Variants in FSTL5 observed in about 807,000 individuals in gnomAD.
FSTL5 encodes follistatin like 5, also known as follistatin-related protein 5.
Under a neutral mutation model 89.1 loss-of-function variants are expected in FSTL5, and 62 were observed. That is an observed-to-expected ratio of 0.70 (90% CI 0.57 to 0.86). The LOEUF is 0.86. Ranked by LOEUF, FSTL5 falls within the 40% of genes least tolerant of loss-of-function variation. FSTL5 has a pLI of 0.00. For missense variants in FSTL5, 1,057 were observed against 1,001.6 expected (o/e 1.06, Z -0.75); for synonymous variants, 383 against 346.2 (o/e 1.11, Z -1.18).
chr4:161,732,429 GT>G (rs1430698039), intron 6 of FSTL5, among the ~76,000 whole-genome samples: 1 of 151,850 alleles, frequency 6.6e-6, no homozygotes, highest in Non-Finnish European at 1.5e-5. Flanking sequence ...TAAAAAATGT[GT>G]TCTCATTCTA....
chr4:161,578,132 G>A (rs781711961), intron 8 of FSTL5, among the ~76,000 whole-genome samples: 1 of 152,046 alleles, frequency 6.6e-6, no homozygotes, highest in African/African-American at 2.4e-5. Context: ...AGAGAAAAAT[G>A]TCAGCGAATA....
chr4:161,857,523 G>A (rs1731759441), intron 4 of FSTL5, among the ~76,000 whole-genome samples: 1 of 152,084 alleles, frequency 6.6e-6, no homozygotes, highest in Non-Finnish European at 1.5e-5. Context: ...TTTTCATGGA[G>A]CTAACTGCTA....
chr4:161,551,738 C>T lies in FSTL5; in HGVS notation c.1016-9045G>A, dbSNP rs187133765. Reference sequence around the variant, plus strand: ...CTGAGAAAAACAAGAAATGGGGAAACGATTCCCTATTTAATAAATGGTGCT... The same window carrying T: ...CTGAGAAAAACAAGAAATGGGGAAATGATTCCCTATTTAATAAATGGTGCT... On this transcript the variant is annotated intron_variant, in intron 8 of 15. Transcript: ENST00000306100. Among the ~76,000 whole-genome samples the T allele has an allele frequency of 7.9e-3, 1,195 of 151,882 alleles. 16 individuals carry two copies. Among genetic ancestry groups the T allele is most frequent in the African/African-American group, 0.028 (1,154 of 41,462 alleles).
chr4:162,015,747 TCTC>T (rs1396336946), intron 3 of FSTL5, among the ~76,000 whole-genome samples: 1 of 152,154 alleles, frequency 6.6e-6, no homozygotes, highest in Non-Finnish European at 1.5e-5. Context: ...TCTTCAACAT[TCTC>T]CTCCTTTCTA....
chr4:162,008,041 G>C (rs902788266), intron 3 of FSTL5, among the ~76,000 whole-genome samples: 1 of 151,596 alleles, frequency 6.6e-6, no homozygotes, highest in East Asian at 1.9e-4. Context: ...ATCAAAATAC[G>C]TACTTATAAT....
At chr4:161,390,398 A>T (rs931390387) in intron 15 of FSTL5, among the ~76,000 whole-genome samples, 3 of 152,166 alleles carry the variant, frequency 2.0e-5, no homozygotes, top group Non-Finnish European at 4.4e-5. Context: ...CGAGGAAGGA[A>T]GAGAACAGTA....
chr4:161,762,707 T>C (rs914473546), intron 5 of FSTL5, among the ~76,000 whole-genome samples: 1 of 152,206 alleles, frequency 6.6e-6, no homozygotes, highest in Admixed American at 6.5e-5. Context: ...TTTCACTTGT[T>C]ACCTCGGATA....
Position 161,924,954 on chromosome 4 carries a change from AG to A in FSTL5, c.161-4303del, listed in dbSNP as rs574699503. 1.1e-3 allele frequency among the ~76,000 whole-genome samples: 174 copies of A among 152,058 alleles called. 2 individuals are homozygous for A. Among genetic ancestry groups the A allele is most frequent in the African/African-American group, 3.7e-3 (154 of 41,550 alleles). Reference sequence around the variant, plus strand: ...TTATGTTCACAATTATTGGTTAAAAAGAACAACAGATTTTGGTCATAGAACA... The same window carrying A: ...TTATGTTCACAATTATTGGTTAAAAAAACAACAGATTTTGGTCATAGAACA... On this transcript the variant is annotated intron_variant, in intron 3 of 15. Transcript: ENST00000306100.
At chr4:161,679,864 T>C (rs1308744308) in intron 6 of FSTL5, among the ~76,000 whole-genome samples, 2 of 151,796 alleles carry the variant, frequency 1.3e-5, no homozygotes, top group African/African-American at 4.8e-5. Flanking sequence ...AGAGCTTATA[T>C]TCCAAAAAGT....
intron 14 of FSTL5, among the ~76,000 whole-genome samples, chr4:161,456,079 G>T (rs17041086): frequency 6.6e-6 from 1 of 151,946 alleles, no homozygotes; most frequent in Non-Finnish European, 1.5e-5. Flanking sequence ...GAGTTCCATC[G>T]GAATCCCTCC....
chr4:161,947,330 T>G (rs1237881862), intron 3 of FSTL5, among the ~76,000 whole-genome samples: 2 of 152,052 alleles, frequency 1.3e-5, no homozygotes, highest in African/African-American at 4.8e-5. Context: ...TTCAAAATTG[T>G]GAAGCTAATT....
chr4:161,710,287 T>C (rs1469481323), intron 6 of FSTL5, among the ~76,000 whole-genome samples: 1 of 152,136 alleles, frequency 6.6e-6, no homozygotes, highest in African/African-American at 2.4e-5. Flanking sequence ...CTTTTGATAG[T>C]CTAAATAATA....
intron 1 of FSTL5, among the ~76,000 whole-genome samples, chr4:162,138,818 T>C (rs1298494000): frequency 1.3e-5 from 2 of 151,884 alleles, no homozygotes; most frequent in Non-Finnish European, 2.9e-5. Flanking sequence ...AAATCGAAAA[T>C]CTTTAGACTA....
intron 1 of FSTL5, among the ~76,000 whole-genome samples, chr4:162,118,564 G>A (rs1292954961): frequency 6.6e-6 from 1 of 152,156 alleles, no homozygotes; most frequent in Non-Finnish European, 1.5e-5. Flanking sequence ...AGTTTTATAA[G>A]AGCAATGGAT....
At chr4:161,787,683 T>C (rs1460573765) in intron 4 of FSTL5, among the ~76,000 whole-genome samples, 1 of 152,172 alleles carries the variant, frequency 6.6e-6, no homozygotes, top group Non-Finnish European at 1.5e-5. Context: ...ATTTTGATTT[T>C]TACCATATGC....
chr4:162,076,378 T>C (rs1302943906), intron 2 of FSTL5, among the ~76,000 whole-genome samples: 3 of 151,938 alleles, frequency 2.0e-5, no homozygotes, highest in African/African-American at 7.2e-5. Flanking sequence ...AAGATAAAGA[T>C]ACTATTTACA....
chr4:161,936,483 T>C (rs1259512259), intron 3 of FSTL5, among the ~76,000 whole-genome samples: 2 of 152,130 alleles, frequency 1.3e-5, no homozygotes, highest in African/African-American at 4.8e-5. Flanking sequence ...CTTGTAAGAA[T>C]ATAGATAGGT....
intron 7 of FSTL5, among the ~76,000 whole-genome samples, chr4:161,617,560 T>C (rs1052457524): frequency 6.6e-6 from 1 of 152,018 alleles, no homozygotes; most frequent in Non-Finnish European, 1.5e-5. Context: ...AAATCATACC[T>C]AGGCAAATCA....
intron 3 of FSTL5, among the ~76,000 whole-genome samples, chr4:161,944,147 G>A (rs1175372029): frequency 6.6e-6 from 1 of 152,060 alleles, no homozygotes; most frequent in African/African-American, 2.4e-5. Flanking sequence ...GCTTCAGCTT[G>A]CATTTAATTC....
Sources: allele counts gnomAD v4.1 joint callset (sites outside exome capture counted in the v4.1 genomes callset), GRCh38; gene constraint gnomAD v4.1.1; transcripts MANE v1.5; gene names NCBI Gene and HGNC (gene_info 2026-07-23, HGNC 2026-07-21).